Variants in ATP13A2 observed in about 807,000 individuals in gnomAD.
ATP13A2 encodes the protein ATPase cation transporting 13A2, also known as polyamine-transporting ATPase 13A2.
A neutral mutation model predicts 138.3 loss-of-function variants in ATP13A2; 83 were observed. The ratio of observed to expected loss-of-function variants is 0.60; its 90% confidence interval spans 0.50 to 0.72. ATP13A2 has a LOEUF of 0.72. Ranked by LOEUF, ATP13A2 falls within the 30% of genes least tolerant of loss-of-function variation. ATP13A2 has a pLI of 0.00. For missense variants in ATP13A2, 1,402 were observed against 1,606.4 expected, an observed-to-expected ratio of 0.87 and a Z score of 2.17; for synonymous variants, 663 against 699.0, an observed-to-expected ratio of 0.95 and a Z score of 0.81.
Position 16,996,459 on chromosome 1 carries a change from G to T in ATP13A2, c.1233C>A (p.Ile411=), listed in dbSNP as rs748487085. 5.6e-6 allele frequency: 9 copies of T among 1,614,024 alleles called. No homozygotes were observed. In the Admixed American group the frequency reaches 1.5e-4, roughly 27 times the overall value. The change falls in exon 13 of 29, where the codon ATC becomes ATA. Residue 411 remains isoleucine, a synonymous_variant. Coordinates refer to ENST00000326735, the MANE Select transcript of ATP13A2 (RefSeq NM_022089.4). ...CTAKGGLVSS[I]LHPRPINFKF... Reference sequence around the variant, plus strand: ...TGAAGTTGATGGGCCGGGGGTGCAAGATGGAGCTCACCAGGCCCCCTTTTG... The same window carrying T: ...TGAAGTTGATGGGCCGGGGGTGCAATATGGAGCTCACCAGGCCCCCTTTTG...
chr1:16,998,920 G>A (rs376659468), intron 11 of ATP13A2, among the ~76,000 whole-genome samples: 19 of 152,170 alleles, frequency 1.2e-4, no homozygotes, highest in African/African-American at 4.1e-4. Flanking sequence ...AGAAAAAGGC[G>A]TGGAAGACAC....
intron 1 of ATP13A2, among the ~76,000 whole-genome samples, chr1:17,010,823 C>G (rs1377538326): frequency 1.3e-5 from 2 of 152,118 alleles, no homozygotes; most frequent in African/African-American, 4.8e-5. Flanking sequence ...CCTGCGGAAG[C>G]CTTGGCTTCC....
At chr1:17,007,127 C>G (rs2077588067) in intron 1 of ATP13A2, among the ~76,000 whole-genome samples, 1 of 152,188 alleles carries the variant, frequency 6.6e-6, no homozygotes, top group African/African-American at 2.4e-5. Context: ...GATCCACCCG[C>G]CTTGCCTCCC....
intron 8 of ATP13A2, among the ~76,000 whole-genome samples, chr1:17,001,299 G>A (rs1198564400): frequency 1.3e-5 from 2 of 151,414 alleles, no homozygotes; most frequent in East Asian, 3.9e-4. Context: ...GTGGTGGCAG[G>A]CGCCTGTAGT....
chr1:17,002,626 G>C (rs975418763), intron 6 of ATP13A2, among the ~76,000 whole-genome samples: 7 of 152,228 alleles, frequency 4.6e-5, no homozygotes, highest in Non-Finnish European at 8.8e-5. Context: ...ACAGTGAAAA[G>C]AGTAGCTGTT....
rs1286550266 is a variant in ATP13A2 at position 16,986,342 on chromosome 1, C to A, written c.3422G>T (p.Cys1141Phe). The A allele has an allele frequency of 2.5e-6, 4 of 1,578,830 alleles. No individual in the cohort carries two copies. Among genetic ancestry groups the A allele is most frequent in the Non-Finnish European group, 1.7e-6 (2 of 1,164,684 alleles). ...GAGGCGGCGCAGGCAGGCGGGGAGG[C>A]ACTGGTCTAGCACGCTCTGCAAAGG... is the stretch of plus-strand genomic sequence containing the variant. ...AFMLESVLDQ[C>F]LPACLRRLRP... Residue 1141 changes from cysteine (C) to phenylalanine (F), a missense_variant, in exon 29 of 29, where the codon TGC (cysteine) becomes TTC (phenylalanine). Physicochemically the swap from Cys to Phe is radical, Grantham distance 205 (BLOSUM62 -2). Transcript: ENST00000326735. The surrounding 1 kb of genome is among the most constrained non-coding windows in gnomAD (Gnocchi z 6.9).
intron 6 of ATP13A2, among the ~76,000 whole-genome samples, chr1:17,002,619 G>C (rs1040533615): frequency 3.3e-5 from 5 of 152,192 alleles, no homozygotes; most frequent in Admixed American, 3.3e-4. Context: ...AATATGAACA[G>C]TGAAAAGAGT....
At chr1:16,991,484 G>T (rs2076925958) in intron 20 of ATP13A2, among the ~76,000 whole-genome samples, 2 of 152,200 alleles carry the variant, frequency 1.3e-5, no homozygotes, top group Non-Finnish European at 2.9e-5. Context: ...CAGGCTGTCT[G>T]ACAGCGCACA....
intron 2 of ATP13A2, 29 bp from the exon 3 acceptor site, chr1:17,005,585 T>A: frequency 6.2e-7 from 1 of 1,614,010 alleles, no homozygotes; most frequent in Non-Finnish European, 8.5e-7. Context: ...AGGGCCCAGG[T>A]CGGGGTGGGA....
At chr1:17,001,144 G>A (rs1178354426) in intron 8 of ATP13A2, among the ~76,000 whole-genome samples, 1 of 151,898 alleles carries the variant, frequency 6.6e-6, no homozygotes, top group East Asian at 1.9e-4. Flanking sequence ...CCAGCCAGGT[G>A]CGGTGGCTCA....
intron 6 of ATP13A2, among the ~76,000 whole-genome samples, chr1:17,003,585 CCACACACACACACACACACACACACACA>C (rs540533484): frequency 7.5e-6 from 1 of 132,988 alleles, no homozygotes; most frequent in East Asian, 2.2e-4. Context: ...ACCAAAAAAA[CCACACACACACACACACACACACACACA>C]CACACACACA....
At chr1:17,008,211 T>C (rs2077636939) in intron 1 of ATP13A2, among the ~76,000 whole-genome samples, 1 of 152,258 alleles carries the variant, frequency 6.6e-6, no homozygotes, top group South Asian at 2.1e-4. Context: ...GTTGCGATCA[T>C]AGCTCACTGC....
chr1:16,986,163 T>G lies in ATP13A2; in HGVS notation c.*58A>C. ...TGGCGGTGGTGTTGCTGGAGAGGGG[T>G]CCAGTTGGTGGCTCAGAGGCAGGGA... On this transcript the variant is annotated 3_prime_UTR_variant, in exon 29 of 29. Transcript: ENST00000326735. This position sits in a 1 kb window ranked among gnomAD's most constrained non-coding sequence, Gnocchi z 6.9. 6.2e-7 allele frequency: 1 copy of G among 1,609,244 alleles called. No homozygotes were observed. Among genetic ancestry groups the G allele is most frequent in the Non-Finnish European group, 8.5e-7 (1 of 1,178,510 alleles).
rs910352341 is a variant in ATP13A2, at chr1:16,995,250, C to T, written c.1542+726G>A. ...GACTGCCTTCTCTCTAAGGAAGTGT[C>T]CCCATCTAGAACCCATCAAGCTATC... is the stretch of plus-strand genomic sequence containing the variant. On this transcript the variant is annotated intron_variant, in intron 15 of 28. Transcript: ENST00000326735. The surrounding 1 kb of genome is among the most constrained non-coding windows in gnomAD (Gnocchi z 4.1). Among the ~76,000 whole-genome samples the T allele has an allele frequency of 2.6e-5, 4 of 152,174 alleles. No individual in the cohort carries two copies. Among genetic ancestry groups the T allele is most frequent in the Non-Finnish European group, 5.9e-5 (4 of 68,028 alleles).
chr1:16,986,112 G>C lies in ATP13A2; in HGVS notation c.*109C>G. ...TCTCGGGGGAGGAGTGTAGACAGTC[G>C]CCAACCTCAGGGATGTGGGAGGTGG... On this transcript the variant is annotated 3_prime_UTR_variant, in exon 29 of 29. Coordinates refer to ENST00000326735, the MANE Select transcript of ATP13A2 (RefSeq NM_022089.4). This position sits in a 1 kb window ranked among gnomAD's most constrained non-coding sequence, Gnocchi z 6.9. 3 of 1,580,850 alleles carry C rather than the reference G, an allele frequency of 1.9e-6. No homozygotes were observed. Among genetic ancestry groups the C allele is most frequent in the Non-Finnish European group, 2.6e-6 (3 of 1,164,566 alleles).
intron 25 of ATP13A2, 127 bp from the exon 26 acceptor site, chr1:16,987,396 G>A: frequency 1.1e-6 from 1 of 915,086 alleles, no homozygotes; most frequent in Non-Finnish European, 1.8e-6. Flanking sequence ...AGTCTAATGG[G>A]GGCCGTACTC....
chr1:17,000,560 C>T (rs1317987944), intron 8 of ATP13A2, 26 bp from the exon 9 acceptor site: 1 of 1,608,826 alleles, frequency 6.2e-7, no homozygotes, highest in African/African-American at 1.3e-5. Flanking sequence ...GAGGCAGCGT[C>T]AGGGCCGCGT....
chr1:16,993,920 C>G, intron 15 of ATP13A2, 85 bp from the exon 16 acceptor site: 1 of 1,224,758 alleles, frequency 8.2e-7, no homozygotes, highest in Non-Finnish European at 1.1e-6. Flanking sequence ...CCAGGCCCGG[C>G]GGACCCTATG....
intron 23 of ATP13A2, 133 bp downstream of exon 23, chr1:16,989,558 T>G: frequency 2.4e-6 from 2 of 844,014 alleles, no homozygotes; most frequent in Non-Finnish European, 4.0e-6. Flanking sequence ...CCTGCCTGCT[T>G]TTGGTGAGGA....
Sources: allele counts gnomAD v4.1 joint callset (sites outside exome capture counted in the v4.1 genomes callset), GRCh38; gene constraint gnomAD v4.1.1; non-coding constraint Gnocchi (gnomAD v3.1); transcripts MANE v1.5; gene names NCBI Gene and HGNC (gene_info 2026-07-23, HGNC 2026-07-21).